BZW2: variants seen among roughly 807,000 people sequenced by gnomAD.
BZW2 encodes the protein basic leucine zipper and W2 domains 2.
Under a neutral mutation model 53.2 loss-of-function variants are expected in BZW2, and 23 were observed. That is an observed-to-expected ratio of 0.43 (90% CI 0.31 to 0.61). The LOEUF (loss-of-function observed/expected upper bound fraction) is 0.61, where lower values mean the gene tolerates loss of function less well. BZW2 is among the 20% of genes least tolerant of loss of function. The pLI, the probability that BZW2 is intolerant of heterozygous loss-of-function variation, is 0.09. For missense variants in BZW2, 409 were observed against 503.1 expected, an observed-to-expected ratio of 0.81 and a Z score of 1.79; for synonymous variants, 227 against 186.4, an observed-to-expected ratio of 1.22 and a Z score of -1.77.
chr7:16,679,478 A>C (rs1485910181), intron 3 of BZW2, among the ~76,000 whole-genome samples: 1 of 152,252 alleles, frequency 6.6e-6, no homozygotes, highest in Non-Finnish European at 1.5e-5. Flanking sequence ...GAAGGGGCTG[A>C]CTTCTCCAAA....
chr7:16,676,950 G>A (rs780255811), intron 3 of BZW2, among the ~76,000 whole-genome samples: 4 of 151,512 alleles, frequency 2.6e-5, no homozygotes, highest in Admixed American at 6.6e-5. Context: ...GGCTTCCATC[G>A]TTAACCACCT....
chr7:16,696,661 C>G (rs1367338737), intron 8 of BZW2, among the ~76,000 whole-genome samples: 1 of 152,214 alleles, frequency 6.6e-6, no homozygotes, highest in Non-Finnish European at 1.5e-5. Flanking sequence ...AAAATCCTCT[C>G]TTACTCCACA....
At chr7:16,682,942 A>T in intron 5 of BZW2, 97 bp downstream of exon 5, 1 of 731,380 alleles carries the variant, frequency 1.4e-6, no homozygotes, top group East Asian at 3.4e-5. Flanking sequence ...TCACGCCTGT[A>T]ATCCCAGCAC....
Position 16,681,414 on chromosome 7 carries a change from G to T in BZW2, c.339+10G>T, listed in dbSNP as rs1392685568. The T allele has an allele frequency of 6.2e-7, 1 of 1,607,284 alleles. No individual in the cohort carries two copies. Among genetic ancestry groups the T allele is most frequent in the South Asian group, 1.1e-5 (1 of 90,710 alleles). ...CCGAAACTATGCTCAGGTAGAGCCT[G>T]TTTGAGAGACTGAAGCATTTGAAGA... On this transcript the variant is annotated intron_variant, in intron 4 of 11. Coordinates refer to ENST00000258761, the MANE Select transcript of BZW2 (RefSeq NM_014038.3).
chr7:16,674,361 CTCAG>C, intron 2 of BZW2, 47 bp from the exon 3 acceptor site: 1 of 1,344,836 alleles, frequency 7.4e-7, no homozygotes, highest in Non-Finnish European at 1.0e-6. Flanking sequence ...TTGTTATACT[CTCAG>C]TATTTATTTA....
intron 3 of BZW2, among the ~76,000 whole-genome samples, chr7:16,679,200 A>T (rs1044870333): frequency 6.6e-6 from 1 of 152,200 alleles, no homozygotes; most frequent in Admixed American, 6.5e-5. Flanking sequence ...GTAAGTATTG[A>T]TTGGGGAAGT....
At chr7:16,689,761 G>C (rs377010139) in intron 6 of BZW2, 36 bp from the exon 7 acceptor site, 1 of 1,553,796 alleles carries the variant, frequency 6.4e-7, no homozygotes, top group South Asian at 1.2e-5. Context: ...GGTTTTGCTC[G>C]TAAAAGGAAT....
At chr7:16,657,524 C>A (rs1319406826) in intron 1 of BZW2, among the ~76,000 whole-genome samples, 1 of 152,136 alleles carries the variant, frequency 6.6e-6, no homozygotes, top group Non-Finnish European at 1.5e-5. Context: ...CTCTTTAAAA[C>A]CCATATTCTT....
chr7:16,660,069 G>T (rs952639975), intron 1 of BZW2, among the ~76,000 whole-genome samples: 4 of 151,230 alleles, frequency 2.6e-5, no homozygotes, highest in South Asian at 2.1e-4. Flanking sequence ...ACCTATGAGT[G>T]AGAACATGCG....
intron 6 of BZW2, among the ~76,000 whole-genome samples, chr7:16,689,319 C>G (rs1276621182): frequency 6.6e-6 from 1 of 152,162 alleles, no homozygotes; most frequent in African/African-American, 2.4e-5. Context: ...CGTAGCAATA[C>G]TTATTGTATC....
At chr7:16,660,794 A>G (rs1782239100) in intron 1 of BZW2, among the ~76,000 whole-genome samples, 1 of 152,162 alleles carries the variant, frequency 6.6e-6, no homozygotes, top group Non-Finnish European at 1.5e-5. Flanking sequence ...GAACGTTTCC[A>G]TCATCACAGA....
intron 8 of BZW2, 37 bp from the exon 9 acceptor site, chr7:16,696,878 G>T: frequency 1.2e-6 from 2 of 1,611,730 alleles, no homozygotes; most frequent in Non-Finnish European, 1.7e-6. Flanking sequence ...CCCTCCATCT[G>T]CCTGTTACTT....
At chr7:16,672,952 C>CT (rs59698213) in intron 2 of BZW2, among the ~76,000 whole-genome samples, 10,988 of 146,596 alleles carry the variant, frequency 0.075, 1,289 homozygotes, top group African/African-American at 0.26. Context: ...TATCCACTTT[C>CT]TTTTTTTTTT....
At chr7:16,694,114 G>A (rs558723723) in intron 7 of BZW2, among the ~76,000 whole-genome samples, 1 of 152,300 alleles carries the variant, frequency 6.6e-6, no homozygotes, top group South Asian at 2.1e-4. Flanking sequence ...TCATGACTAA[G>A]TGTTACTGAG....
intron 1 of BZW2, among the ~76,000 whole-genome samples, chr7:16,656,506 G>A (rs149822575): frequency 2.3e-3 from 354 of 151,830 alleles, no homozygotes; most frequent in African/African-American, 7.7e-3. Context: ...GATGCTTGGA[G>A]GCTATGTAAG....
At chr7:16,662,333 A>G (rs1397920540) in intron 1 of BZW2, 1 of 152,140 alleles carries the variant, frequency 6.6e-6, no homozygotes, top group Non-Finnish European at 1.5e-5. Flanking sequence ...ACATGTTATC[A>G]TGTGTTTCTC....
At chr7:16,674,670 T>G in intron 3 of BZW2, 82 bp downstream of exon 3, 8 of 1,190,956 alleles carry the variant, frequency 6.7e-6, no homozygotes, top group Middle Eastern at 3.1e-4. Flanking sequence ...GATAGAGTCT[T>G]TATAAGTTTA....
chr7:16,661,591 T>G (rs1322984855), intron 1 of BZW2, among the ~76,000 whole-genome samples: 1 of 152,140 alleles, frequency 6.6e-6, no homozygotes, highest in Non-Finnish European at 1.5e-5. Context: ...TATGCAAAAG[T>G]GTTCGATTCA....
rs1305381029 is a variant in BZW2 at position 16,646,263 on chromosome 7, C to G, written c.-33C>G. On this transcript the variant is annotated 5_prime_UTR_variant, in exon 1 of 12. Coordinates refer to ENST00000258761, the MANE Select transcript of BZW2 (RefSeq NM_014038.3). ...CGAATCGCCGCAGCCCCCAGCCTTG[C>G]GCGTCGTCGCTACCTCCTCGGACAG... The G allele has an allele frequency of 3.5e-6, 1 of 283,212 alleles. No homozygotes were observed. The highest frequency in any genetic ancestry group is 1.4e-4 in the East Asian group (1 of 7,302). The allele number at this position is 283,212 out of a possible 1,614,324, so 17.5% of individuals were successfully genotyped here. A position where few individuals can be genotyped will look rare whatever the true frequency, so the allele number is the denominator to read the frequency against.
Sources: allele counts gnomAD v4.1 joint callset (sites outside exome capture counted in the v4.1 genomes callset), GRCh38; gene constraint gnomAD v4.1.1; transcripts MANE v1.5; gene names NCBI Gene and HGNC (gene_info 2026-07-23, HGNC 2026-07-21).